The following ENTPD5 variants were observed in gnomAD, a reference collection of about 807,000 sequenced individuals.
ENTPD5 encodes nucleoside diphosphate phosphatase ENTPD5.
Under a neutral mutation model 60.2 loss-of-function variants are expected in ENTPD5, and 49 were observed. That is an observed-to-expected ratio of 0.81 (90% CI 0.65 to 1.03). The LOEUF (loss-of-function observed/expected upper bound fraction) is 1.03. ENTPD5 is among the 50% of genes least tolerant of loss of function. The probability of loss-of-function intolerance (pLI) is 0.00; values close to 1 mark genes in which losing one functional copy is unlikely to be tolerated. For synonymous variants in ENTPD5, 187 were observed against 185.4 expected, an observed-to-expected ratio of 1.01 and a Z score of -0.07; for missense variants, 480 against 507.6, an observed-to-expected ratio of 0.95 and a Z score of 0.52.
At chr14:74,016,468 C>G (rs145962254) in intron 1 of ENTPD5, among the ~76,000 whole-genome samples, 2,811 of 152,226 alleles carry the variant, frequency 0.018, 84 homozygotes, top group African/African-American at 0.064. Flanking sequence ...AAAACCCTGT[C>G]TCTACAAAAA....
rs2056876044 is a variant in ENTPD5 at position 73,964,119 on chromosome 14, C to T, written c.*2809G>A. ...GGAAAGGTGGCCTAGATGAGGAGGACACAGACTCTCCAGAAGTTATGCAAA... is the reference window on the plus strand; with the variant it reads ...GGAAAGGTGGCCTAGATGAGGAGGATACAGACTCTCCAGAAGTTATGCAAA... On this transcript the variant is annotated 3_prime_UTR_variant, in exon 16 of 16. Coordinates refer to ENST00000334696, the MANE Select transcript of ENTPD5 (RefSeq NM_001249.5). 1 of 152,146 alleles carries T rather than the reference C, an allele frequency of 6.6e-6. No homozygotes were observed. The highest frequency in any genetic ancestry group is 1.5e-5 in the Non-Finnish European group (1 of 68,028). The allele number at this position is 152,146 out of a possible 1,614,324, so 9.4% of individuals were successfully genotyped here. A position where few individuals can be genotyped will look rare whatever the true frequency, so the allele number is the denominator to read the frequency against.
At chr14:74,006,892 AAAAGTCAGAT>A (rs992772388) in intron 3 of ENTPD5, among the ~76,000 whole-genome samples, 1 of 152,256 alleles carries the variant, frequency 6.6e-6, no homozygotes, top group African/African-American at 2.4e-5. Flanking sequence ...TTATTCAACT[AAAAGTCAGAT>A]ATAGTTAAGA....
At position 74,016,633 on chromosome 14, in the gene ENTPD5, CA is replaced by C. The variant is rs2059024422; in HGVS notation, c.-237-704del. ...CATGGTTAAGAGTAAGACCCTATCT[CA>C]AAAAAACCATCAAAAAACCCAAAAA... On this transcript the variant is annotated intron_variant, in intron 1 of 15. Transcript: ENST00000334696. 3.3e-5 allele frequency among the ~76,000 whole-genome samples: 5 copies of C among 151,980 alleles called. No homozygotes were observed. The South Asian group carries it at 8.3e-4, about 25-fold the overall frequency.
At chr14:73,959,150 T>C (rs2056584321), downstream of ENTPD5, 2 of 1,614,068 alleles carry the variant, frequency 1.2e-6, no homozygotes, top group Non-Finnish European at 8.5e-7. Context: ...ACTTTTCTCC[T>C]CTCTGTTGCA....
At chr14:73,974,793 T>C in intron 11 of ENTPD5, 131 bp downstream of exon 11, 1 of 747,640 alleles carries the variant, frequency 1.3e-6, no homozygotes, top group Non-Finnish European at 2.3e-6. Context: ...ATTAGGTCCA[T>C]TATACAACAT....
chr14:73,977,386 G>GTA lies in ENTPD5; in HGVS notation c.442-13_442-12insTA. The GTA allele has an allele frequency of 2.5e-5, 31 of 1,244,858 alleles. No homozygotes were observed. The highest frequency in any genetic ancestry group is 3.1e-5 in the Non-Finnish European group (28 of 917,650). The allele number at this position is 1,244,858 out of a possible 1,614,324, so 77.1% of individuals were successfully genotyped here. Reference sequence around the variant, plus strand: ...AAGATCTCCTTTACCTAGAGAAAAAGGAAAAAAAAAAAAAAAGAATTCCCT... The same window carrying GTA: ...AAGATCTCCTTTACCTAGAGAAAAAGTAGAAAAAAAAAAAAAAAGAATTCCCT... On this transcript the variant is annotated splice_polypyrimidine_tract_variant and intron_variant, in intron 6 of 15. Coordinates refer to ENST00000334696, the MANE Select transcript of ENTPD5 (RefSeq NM_001249.5).
chr14:73,972,950 C>A lies in ENTPD5; in HGVS notation c.961G>T (p.Val321Phe). 1 of 1,614,240 alleles carries A rather than the reference C, an allele frequency of 6.2e-7. No individual in the cohort carries two copies. Among genetic ancestry groups the A allele is most frequent in the Non-Finnish European group, 8.5e-7 (1 of 1,180,044 alleles). The part of the protein sequence containing the change: ...VRGKLHQPEE[V>F]QRGSFYAFSY... The stretch of plus-strand genomic sequence containing the variant: ...AAAGCATAGAAGGAACCTCTCTGGA[C>A]CTCCTCTGGCTGGTGAAGTTTTCCT... Residue 321 changes from valine (V) to phenylalanine (F), a missense_variant, in exon 13 of 16, where the codon GTC (valine) becomes TTC (phenylalanine). Coordinates refer to ENST00000334696, the MANE Select transcript of ENTPD5 (RefSeq NM_001249.5).
chr14:74,014,390 C>A (rs368567638), intron 2 of ENTPD5, among the ~76,000 whole-genome samples: 272 of 149,864 alleles, frequency 1.8e-3, no homozygotes, highest in African/African-American at 4.9e-3. Context: ...TCCCCCCCCC[C>A]ACAAAAAAAA....
chr14:73,956,686 T>C (rs1480783061), downstream of ENTPD5: 1 of 152,226 alleles, frequency 6.6e-6, no homozygotes, highest in East Asian at 1.9e-4. Flanking sequence ...TCAAAATATT[T>C]TGCCTGTTTT....
downstream of ENTPD5, chr14:73,962,636 C>T: frequency 4.1e-6 from 1 of 243,646 alleles, no homozygotes; most frequent in Non-Finnish European, 7.9e-6. Context: ...AGTTTCATCC[C>T]TGAGAACTTC....
downstream of ENTPD5, chr14:73,956,126 C>T (rs972012120): frequency 1.2e-5 from 7 of 582,490 alleles, no homozygotes; most frequent in Admixed American, 1.0e-4. Context: ...AGATGGAGAC[C>T]ATCCTGGCTA....
intron 13 of ENTPD5, among the ~76,000 whole-genome samples, chr14:73,972,351 G>A (rs1377636223): frequency 6.6e-6 from 1 of 152,116 alleles, no homozygotes; most frequent in African/African-American, 2.4e-5. Context: ...TCCAGCCTGG[G>A]TAACAGAGTG....
intron 1 of ENTPD5, chr14:74,019,013 G>A (rs920960133): frequency 2.3e-4 from 35 of 153,600 alleles, no homozygotes; most frequent in Non-Finnish European, 4.8e-4. Flanking sequence ...GACACGGGAG[G>A]AACGGGACCC....
At chr14:73,996,480 T>A (rs1203498800) in intron 3 of ENTPD5, 5 of 148,578 alleles carry the variant, frequency 3.4e-5, no homozygotes, top group Admixed American at 1.4e-4. Context: ...TTTAGAAACC[T>A]GGATGGAACA....
At chr14:74,011,581 G>T (rs1367762650) in intron 2 of ENTPD5, among the ~76,000 whole-genome samples, 1 of 152,112 alleles carries the variant, frequency 6.6e-6, no homozygotes. Context: ...CAGACAGCTT[G>T]AGCTCAGGAG....
rs1218602738 is a variant in ENTPD5, at chr14:73,983,138, G to A, written c.321C>T (p.Leu107=). ...GGATTGAGTCTTTGGCCACCTCTAAGAGCCCTTGAACGGTCTCAGCACCCT... is the reference window on the plus strand; with the variant it reads ...GGATTGAGTCTTTGGCCACCTCTAAAAGCCCTTGAACGGTCTCAGCACCCT... ...PKQGAETVQG[L]LEVAKDSIPR... is the part of the protein sequence containing the mutation. The change falls in exon 6 of 16, where the codon CTC becomes CTT. Residue 107 remains leucine, a synonymous_variant. Coordinates refer to ENST00000334696, the MANE Select transcript of ENTPD5 (RefSeq NM_001249.5). 6.2e-7 allele frequency: 1 copy of A among 1,614,024 alleles called. No individual in the cohort carries two copies. Among genetic ancestry groups the A allele is most frequent in the Admixed American group, 1.7e-5 (1 of 60,000 alleles).
At chr14:73,955,336 G>A, downstream of ENTPD5, 3 of 799,266 alleles carry the variant, frequency 3.8e-6, no homozygotes, top group Non-Finnish European at 2.3e-6. Context: ...AGATAGAAGT[G>A]GAGAGTATTA....
chr14:73,977,121 C>T, intron 7 of ENTPD5, 62 bp from the exon 8 acceptor site: 1 of 1,522,552 alleles, frequency 6.6e-7, no homozygotes, highest in Non-Finnish European at 9.0e-7. Flanking sequence ...CTGGCCCCAA[C>T]CTTGTTTTTT....
At chr14:73,971,803 G>T (rs1433074296) in intron 14 of ENTPD5, 49 bp downstream of exon 14, 1 of 1,288,892 alleles carries the variant, frequency 7.8e-7, no homozygotes, top group Non-Finnish European at 1.1e-6. Flanking sequence ...CACTAGAGTA[G>T]GCAGGCAGTC....
Sources: allele counts gnomAD v4.1 joint callset (sites outside exome capture counted in the v4.1 genomes callset), GRCh38; gene constraint gnomAD v4.1.1; transcripts MANE v1.5; gene names NCBI Gene and HGNC (gene_info 2026-07-23, HGNC 2026-07-21).